Variants in MACROD2 observed in about 807,000 individuals in gnomAD.
MACROD2 encodes the protein ADP-ribose glycohydrolase MACROD2.
MACROD2 carries 36 observed loss-of-function variants against 70.4 expected under a neutral mutation model. That is an observed-to-expected ratio of 0.51 (90% CI 0.39 to 0.68). The LOEUF is 0.68. Among genes scored for constraint, MACROD2 ranks in the 30% least tolerant of loss-of-function variants. The probability of loss-of-function intolerance (pLI) is 0.00; values close to 1 mark genes in which losing one functional copy is unlikely to be tolerated. For missense variants in MACROD2, 496 were observed against 538.4 expected (o/e 0.92, Z 0.78); for synonymous variants, 172 against 178.8 (o/e 0.96, Z 0.30).
chr20:14,488,541 T>A (rs533452392), intron 3 of MACROD2, among the ~76,000 whole-genome samples: 1 of 152,316 alleles, frequency 6.6e-6, no homozygotes, highest in African/African-American at 2.4e-5. Flanking sequence ...TCCATGCATG[T>A]TGTTTTCTAT....
intron 15 of MACROD2, among the ~76,000 whole-genome samples, chr20:15,990,006 A>T (rs1436145110): frequency 6.6e-6 from 1 of 152,178 alleles, no homozygotes; most frequent in African/African-American, 2.4e-5. Flanking sequence ...TAAAATATGG[A>T]TTTTGAAAAG....
rs143032900 is a variant in MACROD2, at chr20:14,759,309, A to G, written c.418+74350A>G. Among the ~76,000 whole-genome samples, 661 of 152,214 alleles carry G rather than the reference A, an allele frequency of 4.3e-3. 9 individuals are homozygous for G. The highest frequency in any genetic ancestry group is 0.015 in the African/African-American group (634 of 41,492). On this transcript the variant is annotated intron_variant, in intron 5 of 17. Coordinates refer to ENST00000684519, the MANE Select transcript of MACROD2 (RefSeq NM_001351661.2). ...CTACTACATAGGAAGCTGCTGAAAAATTTTAAAGAGTATTTGATAGCATAA... is the reference window on the plus strand; with the variant it reads ...CTACTACATAGGAAGCTGCTGAAAAGTTTTAAAGAGTATTTGATAGCATAA...
intron 8 of MACROD2, among the ~76,000 whole-genome samples, chr20:15,683,653 A>G (rs894354463): frequency 6.6e-6 from 1 of 152,082 alleles, no homozygotes; most frequent in Non-Finnish European, 1.5e-5. Context: ...ATCTCTGCTC[A>G]CTGCAACCTC....
chr20:14,040,852 T>C (rs2053380505), intron 2 of MACROD2, among the ~76,000 whole-genome samples: 1 of 152,178 alleles, frequency 6.6e-6, no homozygotes, highest in African/African-American at 2.4e-5. Flanking sequence ...TGGCACATGA[T>C]TGTAGTGGGC....
At chr20:15,397,538 G>A (rs2045875894) in intron 6 of MACROD2, among the ~76,000 whole-genome samples, 1 of 152,136 alleles carries the variant, frequency 6.6e-6, no homozygotes, top group Admixed American at 6.5e-5. Context: ...GGACTCAAGT[G>A]ATCTGCCTGC....
At position 14,792,781 on chromosome 20, in the gene MACROD2, C is replaced by G. The variant is rs566821075; in HGVS notation, c.418+107822C>G. ...ACCAAGTTGATTCAGTTTGTTTTCCCCACTCAGTGTTGTCCTAGTCAGCAG... is the reference window on the plus strand; with the variant it reads ...ACCAAGTTGATTCAGTTTGTTTTCCGCACTCAGTGTTGTCCTAGTCAGCAG... On this transcript the variant is annotated intron_variant, in intron 5 of 17. Transcript: ENST00000684519. Among the ~76,000 whole-genome samples the G allele has an allele frequency of 9.2e-5, 14 of 151,988 alleles. 1 individual carries two copies. Among genetic ancestry groups the G allele is most frequent in the Middle Eastern group, 3.4e-3 (1 of 294 alleles).
chr20:14,883,036 G>T (rs1344227548), intron 5 of MACROD2, among the ~76,000 whole-genome samples: 3 of 152,084 alleles, frequency 2.0e-5, no homozygotes, highest in African/African-American at 7.2e-5. Context: ...TCATATTCTT[G>T]GTCATGAGTA....
At chr20:15,375,636 T>A (rs1411805894) in intron 6 of MACROD2, among the ~76,000 whole-genome samples, 2 of 152,158 alleles carry the variant, frequency 1.3e-5, no homozygotes, top group African/African-American at 4.8e-5. Flanking sequence ...CAGAGTTAGC[T>A]TTCTGGAGCT....
At chr20:14,437,714 GAAT>G (rs1352478591) in intron 3 of MACROD2, among the ~76,000 whole-genome samples, 1 of 152,132 alleles carries the variant, frequency 6.6e-6, no homozygotes, top group African/African-American at 2.4e-5. Flanking sequence ...TTTAAGCAAT[GAAT>G]AATAATGGTA....
intron 3 of MACROD2, among the ~76,000 whole-genome samples, chr20:14,335,213 AT>A (rs2082915279): frequency 6.6e-6 from 1 of 152,250 alleles, no homozygotes; most frequent in East Asian, 1.9e-4. Flanking sequence ...TGATTATTGT[AT>A]TTTTCATCTA....
chr20:14,958,416 C>T (rs2074555865), intron 5 of MACROD2, among the ~76,000 whole-genome samples: 1 of 152,092 alleles, frequency 6.6e-6, no homozygotes, highest in South Asian at 2.1e-4. Context: ...GTCCTGCTTC[C>T]AGAGATAGAT....
chr20:14,355,231 A>T (rs2083161384), intron 3 of MACROD2, among the ~76,000 whole-genome samples: 1 of 152,246 alleles, frequency 6.6e-6, no homozygotes, highest in Non-Finnish European at 1.5e-5. Flanking sequence ...GTGCATATAC[A>T]GGTCATTAAC....
chr20:15,724,296 C>A (rs2050830159), intron 8 of MACROD2, among the ~76,000 whole-genome samples: 1 of 152,126 alleles, frequency 6.6e-6, no homozygotes, highest in Admixed American at 6.5e-5. Flanking sequence ...TTATCAATTA[C>A]TTATTTCATG....
intron 3 of MACROD2, among the ~76,000 whole-genome samples, chr20:14,298,366 G>A (rs1400151030): frequency 5.9e-5 from 9 of 151,644 alleles, no homozygotes; most frequent in Non-Finnish European, 1.3e-4. Context: ...TCAGGAGTTC[G>A]AGACCAGCCT....
At chr20:15,007,343 G>A (rs1226348360) in intron 5 of MACROD2, among the ~76,000 whole-genome samples, 3 of 151,206 alleles carry the variant, frequency 2.0e-5, no homozygotes, top group East Asian at 3.9e-4. Context: ...CAGCCTGGGC[G>A]ACAGAGTGAG....
chr20:14,114,952 C>A (rs1255370912), intron 3 of MACROD2, among the ~76,000 whole-genome samples: 2 of 152,122 alleles, frequency 1.3e-5, no homozygotes, highest in East Asian at 3.8e-4. Context: ...GAGTCCTTGG[C>A]ATTTTTCCCT....
intron 8 of MACROD2, among the ~76,000 whole-genome samples, chr20:15,616,070 T>A (rs889348132): frequency 1.3e-5 from 2 of 151,830 alleles, no homozygotes; most frequent in Admixed American, 6.6e-5. Context: ...TGGGTGGAGT[T>A]TGTCTCTCAC....
intron 5 of MACROD2, among the ~76,000 whole-genome samples, chr20:14,765,721 T>C (rs1281065639): frequency 6.6e-6 from 1 of 152,008 alleles, no homozygotes; most frequent in Non-Finnish European, 1.5e-5. Context: ...TTAAAATAAA[T>C]CAACATATGA....
Position 14,326,103 on chromosome 20 carries a change from G to A in MACROD2, c.272-167376G>A. 6.2e-7 allele frequency: 1 copy of A among 1,613,836 alleles called. No individual in the cohort carries two copies. The highest frequency in any genetic ancestry group is 8.5e-7 in the Non-Finnish European group (1 of 1,179,852). On this transcript the variant is annotated intron_variant, in intron 3 of 17. Transcript: ENST00000684519. The surrounding 1 kb of genome is among the most constrained non-coding windows in gnomAD (Gnocchi z 5.5). ...CTTTATAGGGTGAATCAGGCTCCAGGGCTGTGACCAAGTACTCACTGCGTT... is the reference window on the plus strand; with the variant it reads ...CTTTATAGGGTGAATCAGGCTCCAGAGCTGTGACCAAGTACTCACTGCGTT...
Sources: allele counts gnomAD v4.1 joint callset (sites outside exome capture counted in the v4.1 genomes callset), GRCh38; gene constraint gnomAD v4.1.1; non-coding constraint Gnocchi (gnomAD v3.1); transcripts MANE v1.5; gene names NCBI Gene and HGNC (gene_info 2026-07-23, HGNC 2026-07-21).